Variants in AOPEP observed in about 807,000 individuals in gnomAD.
AOPEP encodes aminopeptidase O (putative).
AOPEP carries 77 observed loss-of-function variants against 98.1 expected under a neutral mutation model. That is an observed-to-expected ratio of 0.78 (90% CI 0.65 to 0.95). The LOEUF is 0.95. AOPEP is among the 40% of genes least tolerant of loss of function. The pLI is 0.00. For synonymous variants in AOPEP, 346 were observed against 365.3 expected (o/e 0.95, Z 0.60); for missense variants, 1,024 against 1,024.7 (o/e 1.00, Z 0.01).
the AOPEP span, among the ~76,000 whole-genome samples, chr9:95,110,049 C>T: frequency 6.6e-6 from 1 of 152,186 alleles, no homozygotes; most frequent in Non-Finnish European, 1.5e-5. Context: ...GCACCTGTGA[C>T]AGAATGGGGG....
intron 1 of AOPEP, among the ~76,000 whole-genome samples, chr9:94,728,169 T>A (rs974705718): frequency 2.0e-5 from 3 of 152,090 alleles, no homozygotes; most frequent in African/African-American, 7.2e-5. Context: ...AATACTGTGT[T>A]AAGTTCCCAT....
intron 3 of AOPEP, among the ~76,000 whole-genome samples, chr9:94,784,429 T>C (rs1467977949): frequency 2.0e-5 from 3 of 152,216 alleles, no homozygotes; most frequent in Non-Finnish European, 2.9e-5. Flanking sequence ...TCTCCTCTCA[T>C]GAACTGACTA....
chr9:94,928,332 T>C, intron 6 of AOPEP, 93 bp from the exon 7 acceptor site: 2 of 867,132 alleles, frequency 2.3e-6, no homozygotes, highest in Non-Finnish European at 1.8e-6. Flanking sequence ...CAGGCTATCT[T>C]GTCCCCCATT....
At chr9:95,144,176 G>C in the AOPEP span, among the ~76,000 whole-genome samples, 1 of 152,212 alleles carries the variant, frequency 6.6e-6, no homozygotes, top group African/African-American at 2.4e-5. Context: ...TGATTGATTG[G>C]ATCAGCCTCG....
chr9:94,826,331 C>T (rs1444595439), intron 5 of AOPEP, among the ~76,000 whole-genome samples: 2 of 152,188 alleles, frequency 1.3e-5, no homozygotes, highest in Non-Finnish European at 2.9e-5. Flanking sequence ...CTCTCCTCTT[C>T]CCCGCAGCCC....
intron 13 of AOPEP, among the ~76,000 whole-genome samples, chr9:95,036,180 A>G (rs1474234661): frequency 6.6e-6 from 1 of 152,190 alleles, no homozygotes; most frequent in African/African-American, 2.4e-5. Context: ...CATTTTCCCT[A>G]AGCCTAGGCT....
rs761651500 is a variant in AOPEP, at chr9:95,002,717, A to G, written c.1978-2441A>G. Among the ~76,000 whole-genome samples the G allele has an allele frequency of 5.9e-5, 9 of 152,346 alleles. No individual in the cohort carries two copies. The South Asian group carries it at 1.7e-3, about 28-fold the overall frequency. ...GGGAGTAAGGAAAGACCTTTCTGCA[A>G]AAGCGCTGCTTAAACCCAGAACTAG... On this transcript the variant is annotated intron_variant, in intron 11 of 16. Transcript: ENST00000375315.
the AOPEP span, among the ~76,000 whole-genome samples, chr9:95,098,748 A>G: frequency 6.6e-6 from 1 of 152,186 alleles, no homozygotes; most frequent in Admixed American, 6.5e-5. Flanking sequence ...CAGGGAAGAG[A>G]CAGAACAATT....
intron 5 of AOPEP, among the ~76,000 whole-genome samples, chr9:94,818,197 A>G (rs1340515058): frequency 6.6e-6 from 1 of 152,182 alleles, no homozygotes; most frequent in Non-Finnish European, 1.5e-5. Flanking sequence ...ACTCTTGTGG[A>G]TAAGATTATG....
chr9:94,939,177 G>A (rs2056699428), intron 7 of AOPEP, among the ~76,000 whole-genome samples: 1 of 151,548 alleles, frequency 6.6e-6, no homozygotes, highest in South Asian at 2.1e-4. Context: ...GAACCTGGGA[G>A]GTGGAGGTTG....
At chr9:94,854,994 T>C (rs1437672595) in intron 5 of AOPEP, among the ~76,000 whole-genome samples, 1 of 152,234 alleles carries the variant, frequency 6.6e-6, no homozygotes, top group Non-Finnish European at 1.5e-5. Context: ...CTATACATAC[T>C]CTAAACAGTA....
the AOPEP span, among the ~76,000 whole-genome samples, chr9:95,130,302 G>A: frequency 2.0e-3 from 285 of 143,198 alleles, 1 homozygote; most frequent in Non-Finnish European, 3.4e-3. Context: ...GTGTGTGTGA[G>A]AGAGAGAGAG....
chr9:94,779,963 A>G (rs918216020), intron 3 of AOPEP, among the ~76,000 whole-genome samples: 3 of 152,236 alleles, frequency 2.0e-5, no homozygotes, highest in Non-Finnish European at 4.4e-5. Context: ...GCAGTCCTAC[A>G]CGTCCCCATG....
intron 16 of AOPEP, among the ~76,000 whole-genome samples, chr9:95,084,033 T>C (rs1363197728): frequency 6.6e-6 from 1 of 152,236 alleles, no homozygotes; most frequent in Non-Finnish European, 1.5e-5. Context: ...TCTCTAACAA[T>C]CATCATTATT....
At chr9:95,128,880 G>T in the AOPEP span, among the ~76,000 whole-genome samples, 2 of 151,890 alleles carry the variant, frequency 1.3e-5, no homozygotes, top group East Asian at 3.9e-4. Flanking sequence ...AACAGCAACG[G>T]CAGAGATTTT....
chr9:94,767,627 G>A (rs1252648615), intron 2 of AOPEP, among the ~76,000 whole-genome samples: 3 of 152,100 alleles, frequency 2.0e-5, no homozygotes, highest in Non-Finnish European at 2.9e-5. Context: ...TTTTTTCCAT[G>A]TACACAATCC....
chr9:94,746,917 A>G (rs446540), intron 1 of AOPEP, among the ~76,000 whole-genome samples: 104,482 of 151,944 alleles, frequency 0.69, 37,024 homozygotes, highest in African/African-American at 0.87. Context: ...TCAAGCCACA[A>G]CTGACAGTGA....
intron 14 of AOPEP, among the ~76,000 whole-genome samples, chr9:95,072,593 A>ATTGCACT (rs900708800): frequency 6.6e-6 from 1 of 152,146 alleles, no homozygotes. Context: ...TGATCATGCC[A>ATTGCACT]TTGCACTCCA....
At chr9:95,106,470 A>G in the AOPEP span, among the ~76,000 whole-genome samples, 3 of 152,178 alleles carry the variant, frequency 2.0e-5, no homozygotes, top group African/African-American at 4.8e-5. Context: ...TAATTTTCAT[A>G]AAGTCCAATT....
Sources: gnomAD v4.1 joint callset for allele counts (sites outside exome capture counted in the v4.1 genomes callset) on GRCh38, gnomAD v4.1.1 for gene constraint, MANE v1.5 for transcripts, NCBI Gene and HGNC (gene_info 2026-07-23, HGNC 2026-07-21) for gene names.